Variants in DIS3L2 observed in about 807,000 individuals in gnomAD.
DIS3L2 encodes DIS3 like 3'-5' exoribonuclease 2, also known as DIS3-like exonuclease 2.
A neutral mutation model predicts 97.5 loss-of-function variants in DIS3L2; 34 were observed. The observed-to-expected ratio is 0.35, with a 90% CI of 0.27 to 0.46. The LOEUF (loss-of-function observed/expected upper bound fraction) is 0.46, where lower values mean the gene tolerates loss of function less well. Among genes scored for constraint, DIS3L2 ranks in the 20% least tolerant of loss-of-function variants. DIS3L2 has a pLI of 1.00. For synonymous variants in DIS3L2, 435 were observed against 445.2 expected, an observed-to-expected ratio of 0.98 and a Z score of 0.29; for missense variants, 1,038 against 1,146.0, an observed-to-expected ratio of 0.91 and a Z score of 1.36.
At chr2:232,278,602 G>A (rs1694206521) in intron 13 of DIS3L2, among the ~76,000 whole-genome samples, 1 of 152,170 alleles carries the variant, frequency 6.6e-6, no homozygotes, top group Non-Finnish European at 1.5e-5. Flanking sequence ...CACTTAGCAT[G>A]AAAGTGCATT....
At chr2:232,000,411 CT>C (rs1693843567) in intron 1 of DIS3L2, among the ~76,000 whole-genome samples, 1 of 152,058 alleles carries the variant, frequency 6.6e-6, no homozygotes, top group South Asian at 2.1e-4. Flanking sequence ...GCACAGACAT[CT>C]CTCCTCTCCC....
intron 19 of DIS3L2, chr2:232,335,415 C>T (rs1243764498): frequency 6.5e-5 from 18 of 275,940 alleles, no homozygotes; most frequent in Non-Finnish European, 9.8e-5. Context: ...GCTCACCCTG[C>T]TGTGGGCCCA....
intron 9 of DIS3L2, among the ~76,000 whole-genome samples, chr2:232,201,964 A>G (rs1000824637): frequency 6.6e-6 from 1 of 152,210 alleles, no homozygotes; most frequent in African/African-American, 2.4e-5. Context: ...ACATTCTTCA[A>G]ATGAAAATTA....
At chr2:231,986,189 A>G (rs1008214860) in intron 1 of DIS3L2, among the ~76,000 whole-genome samples, 2 of 152,308 alleles carry the variant, frequency 1.3e-5, no homozygotes, top group African/African-American at 2.4e-5. Flanking sequence ...GCTTTTGGAC[A>G]TGGACTGAGC....
intron 11 of DIS3L2, 113 bp downstream of exon 11, chr2:232,238,758 G>A: frequency 1.1e-6 from 1 of 946,176 alleles, no homozygotes; most frequent in Non-Finnish European, 1.6e-6. Flanking sequence ...GCCAAAGGAA[G>A]ACACAGGTGT....
At chr2:232,118,275 C>T (rs890486119) in intron 6 of DIS3L2, among the ~76,000 whole-genome samples, 7 of 152,162 alleles carry the variant, frequency 4.6e-5, no homozygotes, top group Non-Finnish European at 7.3e-5. Flanking sequence ...AGGTCCCGCC[C>T]ACACTCAGGT....
At chr2:232,191,674 A>G (rs1286557039) in intron 9 of DIS3L2, among the ~76,000 whole-genome samples, 1 of 152,184 alleles carries the variant, frequency 6.6e-6, no homozygotes, top group African/African-American at 2.4e-5. Context: ...GTTGCCATGT[A>G]GTCTTTTTGC....
rs150254379 is a variant in DIS3L2, at chr2:232,068,853, C to G, written c.367-18634C>G. Among the ~76,000 whole-genome samples the G allele has an allele frequency of 4.0e-3, 609 of 152,140 alleles. 4 individuals carry two copies. Among genetic ancestry groups the G allele is most frequent in the Admixed American group, 6.2e-3 (95 of 15,298 alleles). On this transcript the variant is annotated intron_variant, in intron 5 of 20. Transcript: ENST00000325385. ...ATTTTTTTCTTGAGACAGTCTCACT[C>G]TGTCAGTCAGGCTGGAGTGCAGTGG... is the stretch of plus-strand genomic sequence containing the variant.
chr2:232,207,579 CTG>C (rs969108778), intron 9 of DIS3L2, among the ~76,000 whole-genome samples: 4 of 152,188 alleles, frequency 2.6e-5, no homozygotes, highest in Non-Finnish European at 5.9e-5. Flanking sequence ...GTTGCCTACA[CTG>C]TGTGTGACTC....
At chr2:232,242,950 G>T (rs780070574) in intron 11 of DIS3L2, among the ~76,000 whole-genome samples, 12 of 152,180 alleles carry the variant, frequency 7.9e-5, no homozygotes, top group Non-Finnish European at 1.3e-4. Context: ...TGTCATGTTC[G>T]AGGGATGTAA....
rs887472071 is a variant in DIS3L2, at chr2:232,322,586, C to T, written c.1740-7227C>T. Among the ~76,000 whole-genome samples, 5 of 152,310 alleles carry T rather than the reference C, an allele frequency of 3.3e-5. No individual in the cohort carries two copies. The South Asian group carries it at 6.2e-4, about 19-fold the overall frequency. ...AGTGGCTGTGTGGCTGGGGTGGTGG[C>T]CCTGCTGAAGGGGATCTGACCTGGC... On this transcript the variant is annotated intron_variant, in intron 14 of 20. Coordinates refer to ENST00000325385, the MANE Select transcript of DIS3L2 (RefSeq NM_152383.5).
chr2:232,314,006 T>C (rs1695204656), intron 14 of DIS3L2, among the ~76,000 whole-genome samples: 1 of 152,224 alleles, frequency 6.6e-6, no homozygotes, highest in Admixed American at 6.5e-5. Context: ...ATAGGAATTA[T>C]GGGAGCTACA....
chr2:232,024,854 A>C (rs954348484), intron 4 of DIS3L2, among the ~76,000 whole-genome samples: 1 of 151,978 alleles, frequency 6.6e-6, no homozygotes, highest in African/African-American at 2.4e-5. Flanking sequence ...CCTTTCTTAC[A>C]TTTATGACTC....
At chr2:232,282,667 G>A (rs189038948) in intron 13 of DIS3L2, among the ~76,000 whole-genome samples, 27 of 152,290 alleles carry the variant, frequency 1.8e-4, no homozygotes, top group African/African-American at 6.5e-4. Flanking sequence ...GCGCTTTCAG[G>A]AGTATCCATG....
At chr2:232,329,767 G>T (rs1695677576) in intron 14 of DIS3L2, 46 bp from the exon 15 acceptor site, 1 of 1,434,692 alleles carries the variant, frequency 7.0e-7, no homozygotes, top group Non-Finnish European at 9.2e-7. Flanking sequence ...CTGCGCACCT[G>T]TCCCCAAACC....
intron 15 of DIS3L2, 44 bp downstream of exon 15, chr2:232,330,040 A>G (rs1187735890): frequency 6.4e-7 from 1 of 1,566,804 alleles, no homozygotes. Context: ...CTTGGGGGAA[A>G]GAAGAGAAAG....
intron 12 of DIS3L2, 103 bp from the exon 13 acceptor site, chr2:232,263,104 T>A: frequency 8.3e-7 from 1 of 1,202,736 alleles, no homozygotes; most frequent in South Asian, 1.4e-5. Flanking sequence ...CAGTCAGTGC[T>A]CAATAAATCT....
intron 1 of DIS3L2, among the ~76,000 whole-genome samples, chr2:231,989,046 T>C (rs1371201669): frequency 6.6e-6 from 1 of 152,204 alleles, no homozygotes; most frequent in East Asian, 1.9e-4. Flanking sequence ...TTTTTTCCTT[T>C]GTCTTATTAC....
At chr2:231,976,996 T>G (rs1183964048) in intron 1 of DIS3L2, among the ~76,000 whole-genome samples, 1 of 152,006 alleles carries the variant, frequency 6.6e-6, no homozygotes, top group Non-Finnish European at 1.5e-5. Context: ...CTCTATCTCC[T>G]GACCTCGTGA....
Sources: allele counts gnomAD v4.1 joint callset (sites outside exome capture counted in the v4.1 genomes callset), GRCh38; gene constraint gnomAD v4.1.1; transcripts MANE v1.5; gene names NCBI Gene and HGNC (gene_info 2026-07-23, HGNC 2026-07-21).